The following PALLD variants were observed in gnomAD, a reference collection of about 807,000 sequenced individuals.
PALLD encodes palladin, cytoskeletal associated protein.
Under a neutral mutation model 123.5 loss-of-function variants are expected in PALLD, and 61 were observed. The observed-to-expected ratio is 0.49, with a 90% CI of 0.40 to 0.61. The LOEUF is 0.61. Among genes scored for constraint, PALLD ranks in the 20% least tolerant of loss-of-function variants. The pLI is 0.00. For missense variants in PALLD, 1,273 were observed against 1,377.0 expected (o/e 0.92, Z 1.20); for synonymous variants, 465 against 496.4 (o/e 0.94, Z 0.84).
chr4:168,690,521 G>A, intron 6 of PALLD, 82 bp from the exon 7 acceptor site: 1 of 1,556,860 alleles, frequency 6.4e-7, no homozygotes, highest in East Asian at 2.2e-5. Flanking sequence ...CTGAGGTTTG[G>A]AATTTTTATT....
At chr4:168,833,479 G>A (rs1314904309) in intron 10 of PALLD, among the ~76,000 whole-genome samples, 4 of 152,028 alleles carry the variant, frequency 2.6e-5, no homozygotes, top group Non-Finnish European at 5.9e-5. Flanking sequence ...ACGAGAAAAG[G>A]ACAGAGGGAC....
chr4:168,707,390 A>G (rs1784330819), intron 8 of PALLD, among the ~76,000 whole-genome samples: 1 of 152,224 alleles, frequency 6.6e-6, no homozygotes, highest in African/African-American at 2.4e-5. Context: ...CAGTGCGGCC[A>G]TGGTCAGCTG....
chr4:168,644,268 A>G (rs1440093421), intron 2 of PALLD, among the ~76,000 whole-genome samples: 1 of 151,498 alleles, frequency 6.6e-6, no homozygotes, highest in Non-Finnish European at 1.5e-5. Context: ...TTGTATTTTT[A>G]GTAGAGATGG....
chr4:168,691,926 G>A (rs563064195), intron 8 of PALLD, among the ~76,000 whole-genome samples: 2 of 152,142 alleles, frequency 1.3e-5, no homozygotes, highest in South Asian at 2.1e-4. Flanking sequence ...ATGGTTCCTC[G>A]TGGAGTGAAA....
At position 168,927,757 on chromosome 4, in the gene PALLD, G is replaced by GTTGA. The variant is rs1213519583; in HGVS notation, c.*1580_*1583dup. ...TATGATTTTGCATCAGCTAGACTGAGTTGATTCTGACCAGACTTGATGGTT... is the reference window on the plus strand; with the variant it reads ...TATGATTTTGCATCAGCTAGACTGAGTTGATTGATTCTGACCAGACTTGATGGTT... On this transcript the variant is annotated 3_prime_UTR_variant, in exon 22 of 22. Transcript: ENST00000505667. 1.8e-5 allele frequency: 4 copies of GTTGA among 221,156 alleles called. No homozygotes were observed. Among genetic ancestry groups the GTTGA allele is most frequent in the African/African-American group, 4.5e-5 (2 of 44,636 alleles). 13.7% of individuals were successfully genotyped at this position (221,156 alleles called of 1,614,324 possible).
At chr4:168,500,996 T>A (rs1761342953) in intron 1 of PALLD, among the ~76,000 whole-genome samples, 1 of 152,266 alleles carries the variant, frequency 6.6e-6, no homozygotes, top group South Asian at 2.1e-4. Flanking sequence ...TTATATGTTC[T>A]ATATTTTATA....
At chr4:168,733,241 C>T (rs1206801797) in intron 10 of PALLD, among the ~76,000 whole-genome samples, 1 of 152,108 alleles carries the variant, frequency 6.6e-6, no homozygotes, top group Non-Finnish European at 1.5e-5. Flanking sequence ...TTTCCTTACT[C>T]TTCTATCAAA....
At chr4:168,785,058 C>CTTTTTTTTTTTTTTTTTT (rs746597278) in intron 10 of PALLD, among the ~76,000 whole-genome samples, 1 of 84,830 alleles carries the variant, frequency 1.2e-5, no homozygotes, top group Non-Finnish European at 2.0e-5. Context: ...CTCCCTTTTG[C>CTTTTTTTTTTTTTTTTTT]TTTTTTTTTT....
intron 2 of PALLD, among the ~76,000 whole-genome samples, chr4:168,651,299 A>G (rs1000679466): frequency 4.6e-5 from 7 of 152,180 alleles, no homozygotes; most frequent in African/African-American, 7.2e-5. Context: ...CATTGCAGTA[A>G]ATGGCTTGGC....
At chr4:168,924,533 G>A (rs907772781) in intron 19 of PALLD, 113 bp downstream of exon 19, 3 of 1,071,658 alleles carry the variant, frequency 2.8e-6, no homozygotes, top group Non-Finnish European at 4.3e-6. Context: ...TAGATGTTTT[G>A]ATTTTTGATG....
intron 11 of PALLD, among the ~76,000 whole-genome samples, chr4:168,891,601 A>C (rs1433679745): frequency 6.6e-6 from 1 of 152,064 alleles, no homozygotes; most frequent in Non-Finnish European, 1.5e-5. Context: ...CTAAGAGTGA[A>C]GAGAGTAAGT....
intron 10 of PALLD, among the ~76,000 whole-genome samples, chr4:168,763,145 C>T (rs894173121): frequency 3.3e-5 from 5 of 152,100 alleles, no homozygotes; most frequent in South Asian, 2.1e-4. Flanking sequence ...ACATTCTGCA[C>T]GTGTATCCCA....
intron 8 of PALLD, among the ~76,000 whole-genome samples, chr4:168,705,279 A>C (rs7680228): frequency 0.18 from 27,873 of 152,074 alleles, 3,268 homozygotes; most frequent in East Asian, 0.35. Context: ...AGATTACAGG[A>C]AACTCAAAGG....
chr4:168,746,881 T>C (rs920905920), intron 10 of PALLD, among the ~76,000 whole-genome samples: 2 of 152,206 alleles, frequency 1.3e-5, no homozygotes, highest in African/African-American at 4.8e-5. Flanking sequence ...CATAGGAGTA[T>C]GATCTAAGAA....
chr4:168,587,781 C>G (rs760741521), intron 2 of PALLD, among the ~76,000 whole-genome samples: 11 of 152,128 alleles, frequency 7.2e-5, no homozygotes, highest in Non-Finnish European at 1.3e-4. Context: ...TAAGAGAACT[C>G]TCCTGCCATC....
intron 10 of PALLD, among the ~76,000 whole-genome samples, chr4:168,826,030 G>A (rs990114797): frequency 6.6e-6 from 1 of 152,184 alleles, no homozygotes; most frequent in African/African-American, 2.4e-5. Context: ...TGTAGGATAA[G>A]TTCAAATATT....
rs1748871911 is a variant in PALLD at position 168,858,113 on chromosome 4, C to CTT, written c.1965-32809_1965-32808insTT. 2.0e-5 allele frequency among the ~76,000 whole-genome samples: 3 copies of CTT among 152,246 alleles called. No homozygotes were observed. In the South Asian group the frequency reaches 6.2e-4, roughly 32 times the overall value. The stretch of plus-strand genomic sequence containing the variant: ...AAAATTTCAGATTTGAAGAAGTTTT[C>CTT]CTAATAAGGAAGAATGATGTAATTT... On this transcript the variant is annotated intron_variant, in intron 10 of 21. Coordinates refer to ENST00000505667, the MANE Select transcript of PALLD (RefSeq NM_001166108.2).
At chr4:168,877,860 C>G in intron 10 of PALLD, 1 of 1,403,968 alleles carries the variant, frequency 7.1e-7, no homozygotes, top group Non-Finnish European at 9.3e-7. Flanking sequence ...CCCGAGCTCG[C>G]GGCCTGCACG....
intron 10 of PALLD, among the ~76,000 whole-genome samples, chr4:168,730,132 C>A (rs1361303773): frequency 6.6e-6 from 1 of 152,070 alleles, no homozygotes; most frequent in East Asian, 1.9e-4. Context: ...TTTCCCTGTT[C>A]TCTCTTTGTG....
Sources: allele counts gnomAD v4.1 joint callset (sites outside exome capture counted in the v4.1 genomes callset), GRCh38; gene constraint gnomAD v4.1.1; transcripts MANE v1.5; gene names NCBI Gene and HGNC (gene_info 2026-07-23, HGNC 2026-07-21).